The following AUTS2 variants were observed in gnomAD, a reference collection of about 807,000 sequenced individuals.
The protein encoded by AUTS2 is activator of transcription and developmental regulator AUTS2, also known as autism susceptibility gene 2 protein.
In AUTS2, 17 loss-of-function variants were observed where a neutral mutation model predicts 112.4. The observed-to-expected ratio is 0.15, with a 90% CI of 0.10 to 0.23. The LOEUF (loss-of-function observed/expected upper bound fraction) is 0.23, where lower values mean the gene tolerates loss of function less well. Among genes scored for constraint, AUTS2 ranks in the 10% least tolerant of loss-of-function variants. AUTS2 has a pLI of 1.00. For missense variants in AUTS2, 1,510 were observed against 1,701.6 expected (o/e 0.89, Z 1.98); for synonymous variants, 751 against 702.7 (o/e 1.07, Z -1.09).
At chr7:70,738,447 T>C (rs985868116) in intron 6 of AUTS2, among the ~76,000 whole-genome samples, 5 of 150,354 alleles carry the variant, frequency 3.3e-5, no homozygotes, top group African/African-American at 1.2e-4. Context: ...TTTGGACATA[T>C]GACAAATGTG....
chr7:69,875,046 T>C (rs1159718817), intron 1 of AUTS2, among the ~76,000 whole-genome samples: 2 of 151,582 alleles, frequency 1.3e-5, no homozygotes, highest in Non-Finnish European at 2.9e-5. Flanking sequence ...TTTTTTTTTT[T>C]CCATTTTCAT....
chr7:70,005,590 G>A (rs1003974815), intron 2 of AUTS2, among the ~76,000 whole-genome samples: 4 of 152,098 alleles, frequency 2.6e-5, no homozygotes, highest in African/African-American at 9.7e-5. Flanking sequence ...GAGTTCAGGG[G>A]AAAGATGCAC....
At chr7:70,783,089 A>G (rs1791197193) in intron 15 of AUTS2, 2 of 152,190 alleles carry the variant, frequency 1.3e-5, no homozygotes, top group Admixed American at 1.3e-4. Flanking sequence ...TTTTGCTTCA[A>G]TAATTCTGGA....
At position 70,763,099 on chromosome 7, in the gene AUTS2, G is replaced by T; in HGVS notation, c.972G>T (p.Leu324Phe). Residue 324 changes from leucine (L) to phenylalanine (F), a missense_variant, in exon 7 of 19, where the codon TTG becomes TTT. Transcript: ENST00000342771. ...QLRAPSPDPDLVQRTEAPPQP... is the reference protein window; with the variant it reads ...QLRAPSPDPDFVQRTEAPPQP... ...GAGCTCCTTCTCCGGACCCTGACTT[G>T]GTGCAGCGCACAGAGGCCCCACCTC... The T allele has an allele frequency of 6.2e-7, 1 of 1,614,008 alleles. No individual in the cohort carries two copies.
chr7:70,095,081 C>T (rs1318535757), intron 2 of AUTS2, among the ~76,000 whole-genome samples: 1 of 152,144 alleles, frequency 6.6e-6, no homozygotes, highest in African/African-American at 2.4e-5. Context: ...GAAACGTGAA[C>T]TGAAAAACTC....
chr7:70,766,427 G>C lies in AUTS2; in HGVS notation c.1689+93G>C. 6.8e-7 allele frequency: 1 copy of C among 1,465,258 alleles called. No homozygotes were observed. The highest frequency in any genetic ancestry group is 9.4e-7 in the Non-Finnish European group (1 of 1,069,390). The allele number at this position is 1,465,258 out of a possible 1,614,324, so 90.8% of individuals were successfully genotyped here. ...ACCGGGCTGGGCAGCGGGGCCACCAGAGATCGAATGGGGACTGACGGCTGT... is the reference window on the plus strand; with the variant it reads ...ACCGGGCTGGGCAGCGGGGCCACCACAGATCGAATGGGGACTGACGGCTGT... On this transcript the variant is annotated intron_variant, in intron 9 of 18. Coordinates refer to ENST00000342771, the MANE Select transcript of AUTS2 (RefSeq NM_015570.4). The surrounding 1 kb of genome is among the most constrained non-coding windows in gnomAD (Gnocchi z 4.8).
chr7:70,721,279 CGTGTGTGTGTGTGTGT>C (rs55885084), intron 6 of AUTS2, among the ~76,000 whole-genome samples: 4 of 140,052 alleles, frequency 2.9e-5, no homozygotes, highest in Admixed American at 2.2e-4. Flanking sequence ...GAATTTCATT[CGTGTGTGTGTGTGTGT>C]GTGTGTGTGT....
intron 4 of AUTS2, among the ~76,000 whole-genome samples, chr7:70,173,612 T>TA (rs1362474506): frequency 6.6e-6 from 1 of 152,218 alleles, no homozygotes; most frequent in Non-Finnish European, 1.5e-5. Context: ...CTGTATTTTT[T>TA]ACAAATTAAA....
chr7:69,798,505 T>C (rs904244432), intron 1 of AUTS2, among the ~76,000 whole-genome samples: 1 of 152,312 alleles, frequency 6.6e-6, no homozygotes, highest in Admixed American at 6.5e-5. Flanking sequence ...CCCCTAATTT[T>C]TTTTTGTTAT....
chr7:70,265,248 T>TC (rs1400106932), intron 4 of AUTS2, among the ~76,000 whole-genome samples: 8 of 152,164 alleles, frequency 5.3e-5, no homozygotes, highest in African/African-American at 1.9e-4. Context: ...ACATGATAGT[T>TC]TTGTAGACAG....
chr7:69,923,885 T>C (rs970282761), intron 2 of AUTS2, among the ~76,000 whole-genome samples: 1 of 152,194 alleles, frequency 6.6e-6, no homozygotes, highest in Non-Finnish European at 1.5e-5. Context: ...ATCATATTTT[T>C]AGTGAATAGA....
Position 70,790,255 on chromosome 7 carries a change from C to T in AUTS2, c.3039C>T (p.Ser1013=), listed in dbSNP as rs775379897. The change falls in exon 19 of 19, where the codon AGC becomes AGT. Residue 1013 remains serine, a synonymous_variant. Coordinates refer to ENST00000342771, the MANE Select transcript of AUTS2 (RefSeq NM_015570.4). This position sits in a 1 kb window ranked among gnomAD's most constrained non-coding sequence, Gnocchi z 7.6. ...SEPPPPNSSS[S]VHPGPLASMP... ...CGCCGCCTCCCAACTCCTCGTCCAGCGTGCACCCGGGGCCCCTGGCCTCGA... is the reference window on the plus strand; with the variant it reads ...CGCCGCCTCCCAACTCCTCGTCCAGTGTGCACCCGGGGCCCCTGGCCTCGA... 4.3e-6 allele frequency: 7 copies of T among 1,612,976 alleles called. No homozygotes were observed. The highest frequency in any genetic ancestry group is 1.7e-5 in the Admixed American group (1 of 59,984).
chr7:70,000,169 A>T (rs1799122089), intron 2 of AUTS2, among the ~76,000 whole-genome samples: 1 of 152,224 alleles, frequency 6.6e-6, no homozygotes, highest in Non-Finnish European at 1.5e-5. Flanking sequence ...GCTTTATAAC[A>T]GAGCTGTCTG....
At chr7:69,979,360 C>T (rs1182378012) in intron 2 of AUTS2, among the ~76,000 whole-genome samples, 2 of 152,128 alleles carry the variant, frequency 1.3e-5, no homozygotes, top group Admixed American at 1.3e-4. Flanking sequence ...TTTTCATCAT[C>T]CTCAAAGAGG....
At chr7:70,620,994 T>C (rs1423376195) in intron 5 of AUTS2, among the ~76,000 whole-genome samples, 1 of 152,148 alleles carries the variant, frequency 6.6e-6, no homozygotes, top group African/African-American at 2.4e-5. Flanking sequence ...GGGCCTGAGC[T>C]CAGAGCGGGG....
At chr7:70,271,395 A>G (rs1214640261) in intron 4 of AUTS2, among the ~76,000 whole-genome samples, 1 of 152,114 alleles carries the variant, frequency 6.6e-6, no homozygotes, top group Admixed American at 6.6e-5. Context: ...CTTTATCAGC[A>G]GTGCTACCTT....
intron 4 of AUTS2, chr7:70,290,551 A>G (rs949752139): frequency 6.0e-6 from 9 of 1,503,462 alleles, no homozygotes; most frequent in Admixed American, 2.5e-5. Flanking sequence ...CTAATACTCT[A>G]TGTGATATAG....
chr7:70,534,318 A>G (rs1353606697), intron 5 of AUTS2, among the ~76,000 whole-genome samples: 1 of 152,222 alleles, frequency 6.6e-6, no homozygotes, highest in East Asian at 1.9e-4. Context: ...GGAAAGACCA[A>G]TGAGATTTTT....
At chr7:70,427,628 C>G (rs1795489415) in intron 4 of AUTS2, among the ~76,000 whole-genome samples, 1 of 152,142 alleles carries the variant, frequency 6.6e-6, no homozygotes, top group South Asian at 2.1e-4. Flanking sequence ...AGCTTTAAAA[C>G]TTCAAGTTTG....
Sources: allele counts gnomAD v4.1 joint callset (sites outside exome capture counted in the v4.1 genomes callset), GRCh38; gene constraint gnomAD v4.1.1; non-coding constraint Gnocchi (gnomAD v3.1); transcripts MANE v1.5; gene names NCBI Gene and HGNC (gene_info 2026-07-23, HGNC 2026-07-21).